The following CRTAM variants were observed in gnomAD, a reference collection of about 807,000 sequenced individuals.
CRTAM encodes the protein cytotoxic and regulatory T cell molecule.
In CRTAM, 44 loss-of-function variants were observed where a neutral mutation model predicts 50.0. That is an observed-to-expected ratio of 0.88 (90% CI 0.69 to 1.13). The LOEUF (loss-of-function observed/expected upper bound fraction) is 1.13, where lower values mean the gene tolerates loss of function less well. Among genes scored for constraint, CRTAM ranks in the 50% most tolerant of loss-of-function variants. CRTAM has a pLI of 0.00. For synonymous variants in CRTAM, 159 were observed against 169.3 expected (o/e 0.94, Z 0.47); for missense variants, 448 against 457.5 (o/e 0.98, Z 0.19).
At chr11:122,869,080 C>T (rs992401906) in intron 9 of CRTAM, among the ~76,000 whole-genome samples, 2 of 152,070 alleles carry the variant, frequency 1.3e-5, no homozygotes, top group Admixed American at 6.6e-5. Flanking sequence ...ACTAGAAAGT[C>T]TCCTAAATCA....
intron 1 of CRTAM, among the ~76,000 whole-genome samples, chr11:122,845,643 G>C (rs1002644250): frequency 7.2e-5 from 11 of 152,098 alleles, no homozygotes; most frequent in Non-Finnish European, 1.2e-4. Context: ...GGAGGTGGAG[G>C]TTGCAGTGAG....
intron 8 of CRTAM, 110 bp downstream of exon 8, chr11:122,867,665 T>C (rs1259357320): frequency 2.8e-6 from 3 of 1,069,032 alleles, no homozygotes; most frequent in Non-Finnish European, 1.3e-6. Context: ...ATAATCTATT[T>C]GATAAGTGCT....
At chr11:122,867,885 G>T (rs1457175620) in intron 8 of CRTAM, 128 bp from the exon 9 acceptor site, 2 of 657,662 alleles carry the variant, frequency 3.0e-6, no homozygotes, top group Admixed American at 2.7e-5. Context: ...AATTAATGAG[G>T]TATGAGTTAT....
intron 4 of CRTAM, among the ~76,000 whole-genome samples, chr11:122,854,856 C>G (rs73602764): frequency 2.0e-5 from 3 of 152,046 alleles, no homozygotes; most frequent in East Asian, 3.9e-4. Flanking sequence ...AAAGGTTGAG[C>G]CTTTGAAACA....
intron 8 of CRTAM, among the ~76,000 whole-genome samples, chr11:122,867,808 T>C (rs949710657): frequency 1.3e-5 from 2 of 152,176 alleles, no homozygotes; most frequent in African/African-American, 4.8e-5. Flanking sequence ...ACACTTCTAT[T>C]CACAGAAGGA....
rs964112284 is a variant in CRTAM, at chr11:122,864,543, A to G, written c.734-93A>G. ...TACTGTTTTTAAATTTGGCTTCCCA[A>G]GCTGCTCTGGGAAGACTTACGTAAC... On this transcript the variant is annotated intron_variant, in intron 6 of 9. Coordinates refer to ENST00000227348, the MANE Select transcript of CRTAM (RefSeq NM_019604.4). 7 of 810,440 alleles carry G rather than the reference A, an allele frequency of 8.6e-6. No individual in the cohort carries two copies. The African/African-American group carries it at 1.1e-4, about 12-fold the overall frequency. The allele number at this position is 810,440 out of a possible 1,614,324, so 50.2% of individuals were successfully genotyped here. A position where few individuals can be genotyped will look rare whatever the true frequency, so the allele number is the denominator to read the frequency against.
At chr11:122,850,430 G>A (rs951866581) in intron 2 of CRTAM, among the ~76,000 whole-genome samples, 1 of 152,120 alleles carries the variant, frequency 6.6e-6, no homozygotes, top group Non-Finnish European at 1.5e-5. Flanking sequence ...CCACCAGAAT[G>A]GTTGTTAAAG....
chr11:122,838,894 T>G (rs59819931), intron 1 of CRTAM, among the ~76,000 whole-genome samples: 2,546 of 152,280 alleles, frequency 0.017, 70 homozygotes, highest in African/African-American at 0.059. Flanking sequence ...GCATACCAGT[T>G]GAAAGAGCAT....
rs1236360403 is a variant in CRTAM at position 122,850,225 on chromosome 11, G to A, written c.193+11G>A. 3 of 1,580,344 alleles carry A rather than the reference G, an allele frequency of 1.9e-6. No homozygotes were observed. Among genetic ancestry groups the A allele is most frequent in the Non-Finnish European group, 1.7e-6 (2 of 1,159,270 alleles). ...TAAATGAGTATCCTGGTAAGTGAAA[G>A]AAAGAAAGAAAAAATGCCACCAGAC... On this transcript the variant is annotated intron_variant, in intron 2 of 9. Transcript: ENST00000227348.
chr11:122,845,988 C>T (rs1861857867), intron 1 of CRTAM, among the ~76,000 whole-genome samples: 1 of 151,742 alleles, frequency 6.6e-6, no homozygotes, highest in Admixed American at 6.6e-5. Context: ...CCACATCCAG[C>T]CAGAGAATGA....
rs1861797275 is a variant in CRTAM at position 122,841,432 on chromosome 11, G to A, written c.46+2840G>A. Among the ~76,000 whole-genome samples, 3 of 135,790 alleles carry A rather than the reference G, an allele frequency of 2.2e-5. No individual in the cohort carries two copies. The South Asian group carries it at 6.9e-4, about 31-fold the overall frequency. 89.1% of individuals were successfully genotyped at this position (135,790 alleles called of 152,430 possible). On this transcript the variant is annotated intron_variant, in intron 1 of 9. Transcript: ENST00000227348. The stretch of plus-strand genomic sequence containing the variant: ...TTTTTTTTTTTTGAGACAGAGTCTT[G>A]CTCCGTCGCCCAGGCTGGAGTGCAG...
intron 5 of CRTAM, among the ~76,000 whole-genome samples, chr11:122,859,431 G>GA (rs61564144): frequency 0.8 from 116,146 of 144,812 alleles, 45,042 homozygotes; most frequent in Middle Eastern, 0.86. Flanking sequence ...ATATTTTAAT[G>GA]AAAAAAAAAG....
chr11:122,846,713 T>C (rs1861868490), intron 1 of CRTAM, among the ~76,000 whole-genome samples: 2 of 152,158 alleles, frequency 1.3e-5, no homozygotes, highest in South Asian at 4.1e-4. Context: ...ACACCTTTGG[T>C]TGGAATCTAA....
intron 1 of CRTAM, among the ~76,000 whole-genome samples, chr11:122,844,934 T>G (rs1861843581): frequency 1.3e-5 from 2 of 152,334 alleles, no homozygotes; most frequent in South Asian, 2.1e-4. Flanking sequence ...AAATCTAAAA[T>G]AACACATTTG....
rs746180382 is a variant in CRTAM at position 122,838,510 on chromosome 11, G to A, written c.-37G>A. The A allele has an allele frequency of 3.1e-6, 5 of 1,609,300 alleles. No individual in the cohort carries two copies. Among genetic ancestry groups the A allele is most frequent in the Non-Finnish European group, 3.4e-6 (4 of 1,176,698 alleles). ...AGCTCCATTTGTCTCAGAATCTAGA[G>A]GAAGTTGACAAAGGTGCCACAGCAG... On this transcript the variant is annotated 5_prime_UTR_variant, in exon 1 of 10. Transcript: ENST00000227348.
Position 122,842,054 on chromosome 11 carries a change from A to G in CRTAM, c.46+3462A>G, listed in dbSNP as rs1861805546. 2.0e-5 allele frequency among the ~76,000 whole-genome samples: 3 copies of G among 152,242 alleles called. No individual in the cohort carries two copies. The South Asian group carries it at 6.2e-4, about 32-fold the overall frequency. On this transcript the variant is annotated intron_variant, in intron 1 of 9. Transcript: ENST00000227348. ...ACATTCCAGGACAAGAGAATATCAT[A>G]GAAAAAGACAAACTATCTTCTGGAG...
chr11:122,867,671 G>A (rs1688675062), intron 8 of CRTAM, 116 bp downstream of exon 8: 2 of 1,047,912 alleles, frequency 1.9e-6, no homozygotes, highest in South Asian at 1.7e-5. Context: ...TATTTGATAA[G>A]TGCTGTCTCA....
At position 122,851,853 on chromosome 11, in the gene CRTAM, C is replaced by A; in HGVS notation, c.346+8C>A. 6.2e-7 allele frequency: 1 copy of A among 1,613,636 alleles called. No homozygotes were observed. The highest frequency in any genetic ancestry group is 8.5e-7 in the Non-Finnish European group (1 of 1,179,654). ...TGAAAGTGATTGTGCTGGGTAGGTA[C>A]CTGCAAGTGAACCCAGTAGGGGAGC... On this transcript the variant is annotated splice_region_variant and intron_variant, in intron 3 of 9. Transcript: ENST00000227348.
chr11:122,839,916 G>C (rs1056391010), intron 1 of CRTAM, among the ~76,000 whole-genome samples: 2 of 151,916 alleles, frequency 1.3e-5, no homozygotes, highest in African/African-American at 4.8e-5. Context: ...TTTGGTCCCT[G>C]TACCCTGAGG....
Sources: gnomAD v4.1 joint callset for allele counts (sites outside exome capture counted in the v4.1 genomes callset) on GRCh38, gnomAD v4.1.1 for gene constraint, MANE v1.5 for transcripts, NCBI Gene and HGNC (gene_info 2026-07-23, HGNC 2026-07-21) for gene names.